Variants in SLCO1A2 observed in about 807,000 individuals in gnomAD.
The protein encoded by SLCO1A2 is OATP-1.
In SLCO1A2, 67 loss-of-function variants were observed where a neutral mutation model predicts 69.0. The observed-to-expected ratio is 0.97, with a 90% confidence interval of 0.80 to 1.19. SLCO1A2 has a LOEUF of 1.19. Ranked by LOEUF, SLCO1A2 falls within the 50% of genes most tolerant of loss-of-function variation. The probability of loss-of-function intolerance (pLI) is 0.00; values close to 1 mark genes in which losing one functional copy is unlikely to be tolerated. For missense variants in SLCO1A2, 787 were observed against 793.7 expected (o/e 0.99, Z 0.10); for synonymous variants, 260 against 265.9 (o/e 0.98, Z 0.22).
chr12:21,412,872 T>G (rs553489928), intron 1 of SLCO1A2, among the ~76,000 whole-genome samples: 10 of 152,270 alleles, frequency 6.6e-5, no homozygotes, highest in African/African-American at 2.4e-4. Flanking sequence ...ACCTGTACAC[T>G]TAGACTCCAT....
upstream of SLCO1A2, among the ~76,000 whole-genome samples, chr12:21,395,649 G>T (rs1941418472): frequency 6.6e-6 from 1 of 152,184 alleles, no homozygotes; most frequent in South Asian, 2.1e-4. Context: ...GAGAGCAGTG[G>T]GTCTCCCAGC....
rs79965659 is a variant in SLCO1A2 at position 21,279,413 on chromosome 12, A to G, written c.1611-3989T>C. The stretch of plus-strand genomic sequence containing the variant: ...AAGATTACCTCAAGGAATTCAATAA[A>G]CCCCGCAAGGTCATGTATAAATAAA... On this transcript the variant is annotated intron_variant, in intron 12 of 14. Coordinates refer to ENST00000683939, the MANE Select transcript of SLCO1A2 (RefSeq NM_001386879.1). Among the ~76,000 whole-genome samples, 1,511 of 152,272 alleles carry G rather than the reference A, an allele frequency of 9.9e-3. 25 individuals are homozygous for G. Among genetic ancestry groups the G allele is most frequent in the African/African-American group, 0.035 (1,435 of 41,560 alleles).
intron 1 of SLCO1A2, among the ~76,000 whole-genome samples, chr12:21,414,930 T>C (rs1418255793): frequency 6.6e-6 from 1 of 152,142 alleles, no homozygotes; most frequent in Non-Finnish European, 1.5e-5. Context: ...ATTTTGTACC[T>C]TAAAGTCTAT....
rs781750718 is a variant in SLCO1A2 at position 21,269,701 on chromosome 12, T to G, written c.1860A>C (p.Leu620Phe). The G allele has an allele frequency of 3.1e-6, 5 of 1,612,612 alleles. No individual in the cohort carries two copies. In the East Asian group the frequency reaches 1.1e-4, roughly 36 times the overall value. ...GSSFVPALII[L>F]ILLRKCHLPG... ...GTAGATGACACTTCCTCAAAAGAAT[T>G]AAGATGATTAAGGCTGGAACAAAGC... is the stretch of plus-strand genomic sequence containing the variant. Residue 620 changes from leucine to phenylalanine, a missense_variant, in exon 15 of 15, where the codon TTA becomes TTC. Leu to Phe is a conservative substitution (Grantham distance 22, BLOSUM62 0). Transcript: ENST00000683939.
At chr12:21,276,151 G>A (rs1235859237) in intron 12 of SLCO1A2, among the ~76,000 whole-genome samples, 1 of 152,058 alleles carries the variant, frequency 6.6e-6, no homozygotes, top group Non-Finnish European at 1.5e-5. Context: ...AGGTTTGGAA[G>A]TGAAAAGACA....
intron 1 of SLCO1A2, among the ~76,000 whole-genome samples, chr12:21,391,727 T>C (rs17681255): frequency 0.033 from 5,006 of 151,766 alleles, 128 homozygotes; most frequent in Non-Finnish European, 0.049. Flanking sequence ...CTACTTTCCG[T>C]TGACATTCAA....
At chr12:21,348,500 T>C (rs1937677366) in intron 2 of SLCO1A2, among the ~76,000 whole-genome samples, 1 of 152,330 alleles carries the variant, frequency 6.6e-6, no homozygotes, top group East Asian at 1.9e-4. Context: ...ATATGTGATG[T>C]TTGCCATTCT....
At chr12:21,362,058 C>T (rs1034541331) in intron 2 of SLCO1A2, among the ~76,000 whole-genome samples, 2 of 152,120 alleles carry the variant, frequency 1.3e-5, no homozygotes, top group Non-Finnish European at 2.9e-5. Context: ...CACAAAGATA[C>T]TCCTCGAGAA....
chr12:21,326,807 T>C (rs1009810497), intron 2 of SLCO1A2, among the ~76,000 whole-genome samples: 1 of 152,106 alleles, frequency 6.6e-6, no homozygotes, highest in South Asian at 2.1e-4. Flanking sequence ...AAAGATATGG[T>C]TTGAAATTGG....
At chr12:21,362,541 A>C (rs755275306) in intron 2 of SLCO1A2, among the ~76,000 whole-genome samples, 1 of 152,196 alleles carries the variant, frequency 6.6e-6, no homozygotes, top group Non-Finnish European at 1.5e-5. Context: ...TAAAATTCAC[A>C]CATAACAATA....
chr12:21,318,417 C>T (rs950957196), intron 3 of SLCO1A2, among the ~76,000 whole-genome samples: 1 of 152,142 alleles, frequency 6.6e-6, no homozygotes, highest in African/African-American at 2.4e-5. Context: ...CCTCGCCCGG[C>T]GGTCTTCTAC....
At chr12:21,281,863 AC>A (rs1282394336) in intron 12 of SLCO1A2, among the ~76,000 whole-genome samples, 1 of 152,096 alleles carries the variant, frequency 6.6e-6, no homozygotes, top group East Asian at 1.9e-4. Flanking sequence ...GACACATACA[AC>A]CCATCAAGAT....
chr12:21,360,810 G>C (rs532415074), intron 2 of SLCO1A2, among the ~76,000 whole-genome samples: 1 of 152,318 alleles, frequency 6.6e-6, no homozygotes, highest in East Asian at 1.9e-4. Flanking sequence ...GTCTGAGATG[G>C]AACTGCAAGG....
chr12:21,274,777 C>T (rs1268685947), intron 13 of SLCO1A2, 191 bp from the exon 14 acceptor site: 5 of 682,114 alleles, frequency 7.3e-6, no homozygotes, highest in Non-Finnish European at 1.1e-5. Flanking sequence ...GATAAGTAAT[C>T]TTATGGTCAA....
At chr12:21,405,136 GA>G (rs2137198476) in intron 1 of SLCO1A2, among the ~76,000 whole-genome samples, 1 of 149,712 alleles carries the variant, frequency 6.7e-6, no homozygotes, top group Non-Finnish European at 1.5e-5. Context: ...ACCTTTGTAA[GA>G]TGCATAGATT....
intron 1 of SLCO1A2, among the ~76,000 whole-genome samples, chr12:21,385,400 T>A (rs1028743825): frequency 7.9e-5 from 12 of 152,234 alleles, no homozygotes; most frequent in African/African-American, 2.9e-4. Context: ...TGCTTTTCAG[T>A]TGAAGAATCT....
chr12:21,360,894 G>C (rs534250682), intron 2 of SLCO1A2, among the ~76,000 whole-genome samples: 5 of 152,260 alleles, frequency 3.3e-5, no homozygotes, highest in African/African-American at 1.2e-4. Flanking sequence ...CTAGGAACTC[G>C]AACTCGGTGG....
chr12:21,342,029 C>CTGA (rs1953086745), intron 2 of SLCO1A2, among the ~76,000 whole-genome samples: 1 of 151,976 alleles, frequency 6.6e-6, no homozygotes, highest in Non-Finnish European at 1.5e-5. Flanking sequence ...CGTTTGTCAG[C>CTGA]ATGGTGGTTT....
chr12:21,325,633 C>G (rs1952165049), intron 2 of SLCO1A2, among the ~76,000 whole-genome samples: 1 of 152,158 alleles, frequency 6.6e-6, no homozygotes, highest in East Asian at 1.9e-4. Context: ...ATATGGGGCC[C>G]TTTAATGTTG....
Sources: allele counts gnomAD v4.1 joint callset (sites outside exome capture counted in the v4.1 genomes callset), GRCh38; gene constraint gnomAD v4.1.1; transcripts MANE v1.5; gene names NCBI Gene and HGNC (gene_info 2026-07-23, HGNC 2026-07-21).